The following VAV2 variants were observed in gnomAD, a reference collection of about 807,000 sequenced individuals.
VAV2 encodes the protein guanine nucleotide exchange factor VAV2.
VAV2 carries 67 observed loss-of-function variants against 132.5 expected under a neutral mutation model. The observed-to-expected ratio is 0.51, with a 90% CI of 0.42 to 0.62. The LOEUF (loss-of-function observed/expected upper bound fraction) is 0.62, where lower values mean the gene tolerates loss of function less well. Ranked by LOEUF, VAV2 falls within the 20% of genes least tolerant of loss-of-function variation. VAV2 has a pLI of 0.00. For missense variants in VAV2, 938 were observed against 1,153.6 expected, an observed-to-expected ratio of 0.81 and a Z score of 2.71; for synonymous variants, 492 against 443.5, an observed-to-expected ratio of 1.11 and a Z score of -1.37.
chr9:133,861,754 C>T (rs1367695768), intron 2 of VAV2, among the ~76,000 whole-genome samples: 3 of 152,188 alleles, frequency 2.0e-5, no homozygotes, highest in African/African-American at 4.8e-5. Flanking sequence ...TCACCGAGGC[C>T]ACCTTTAAAG....
At position 133,820,323 on chromosome 9, in the gene VAV2, C is replaced by CT. The variant is rs1410223095; in HGVS notation, c.450-8108dup. 7.3e-3 allele frequency among the ~76,000 whole-genome samples: 1,089 copies of CT among 149,100 alleles called. 25 individuals are homozygous for CT. Among genetic ancestry groups the CT allele is most frequent in the African/African-American group, 0.024 (956 of 39,732 alleles). The stretch of plus-strand genomic sequence containing the variant: ...CATCTCCATAAACAAGTTTCTTTTT[C>CT]TTTTTCTTTTTTTTTTTTTTGAGAC... On this transcript the variant is annotated intron_variant, in intron 4 of 29. Coordinates refer to ENST00000371850, the MANE Select transcript of VAV2 (RefSeq NM_001134398.2).
intron 2 of VAV2, among the ~76,000 whole-genome samples, chr9:133,921,291 C>CTGAA (rs141386808): frequency 0.03 from 4,609 of 152,174 alleles, 220 homozygotes; most frequent in African/African-American, 0.11. Flanking sequence ...GCCATGTTTG[C>CTGAA]TGAATGAATG....
At chr9:133,938,574 C>T (rs898574987) in intron 2 of VAV2, among the ~76,000 whole-genome samples, 4 of 152,206 alleles carry the variant, frequency 2.6e-5, no homozygotes, top group African/African-American at 9.6e-5. Context: ...GGGGTCACCA[C>T]TGGAGAATAC....
intron 2 of VAV2, among the ~76,000 whole-genome samples, chr9:133,876,891 G>C (rs1838286813): frequency 6.6e-6 from 1 of 152,162 alleles, no homozygotes; most frequent in Non-Finnish European, 1.5e-5. Context: ...CTGGCCTGAA[G>C]AACGGGGACA....
At chr9:133,952,088 A>C (rs1191225927) in intron 1 of VAV2, among the ~76,000 whole-genome samples, 1 of 152,120 alleles carries the variant, frequency 6.6e-6, no homozygotes. Context: ...TTACGACCTC[A>C]TCTAAACCCA....
chr9:133,777,090 G>A (rs1313572719), intron 23 of VAV2, among the ~76,000 whole-genome samples: 1 of 152,150 alleles, frequency 6.6e-6, no homozygotes, highest in Non-Finnish European at 1.5e-5. Flanking sequence ...CTGGTGAAAG[G>A]CAGCTGGCTG....
intron 3 of VAV2, among the ~76,000 whole-genome samples, chr9:133,842,240 C>G (rs1836753166): frequency 6.6e-6 from 1 of 152,160 alleles, no homozygotes; most frequent in Non-Finnish European, 1.5e-5. Context: ...TTGGCCGGTA[C>G]AGAAAGAAAG....
In VAV2 at chr9:133,848,279, C is replaced by CAAAAAAAAAAAAAA. The variant is rs34908811; in HGVS notation, c.380+13081_380+13094dup. ...TGGGCGACTGAGTGAGACTCCGTCT[C>CAAAAAAAAAAAAAA]AAAAAAAAAAAAAAAAAAAAAAAAA... On this transcript the variant is annotated intron_variant, in intron 3 of 29. Coordinates refer to ENST00000371850, the MANE Select transcript of VAV2 (RefSeq NM_001134398.2). 1.8e-3 allele frequency among the ~76,000 whole-genome samples: 88 copies of CAAAAAAAAAAAAAA among 48,610 alleles called. 2 individuals are homozygous for CAAAAAAAAAAAAAA. The highest frequency in any genetic ancestry group is 2.7e-3 in the Non-Finnish European group (45 of 16,646). The allele number at this position is 48,610 out of a possible 152,430, so 31.9% of individuals were successfully genotyped here.
At chr9:133,849,467 C>T (rs1171985217) in intron 3 of VAV2, among the ~76,000 whole-genome samples, 1 of 152,190 alleles carries the variant, frequency 6.6e-6, no homozygotes, top group East Asian at 1.9e-4. Flanking sequence ...GCTGAGGAGG[C>T]GTGGCTGAGG....
rs991105106 is a variant in VAV2, at chr9:133,928,242, T to A, written c.321+10861A>T. On this transcript the variant is annotated intron_variant, in intron 2 of 29. Transcript: ENST00000371850. This position sits in a 1 kb window ranked among gnomAD's most constrained non-coding sequence, Gnocchi z 5.4. ...GCGTGCATGTGTGTGTCTGTGCCCA[T>A]GTGCAGCATATCTGGTTGTCAAGTT... Among the ~76,000 whole-genome samples, 1 of 152,136 alleles carries A rather than the reference T, an allele frequency of 6.6e-6. No homozygotes were observed. Among genetic ancestry groups the A allele is most frequent in the African/African-American group, 2.4e-5 (1 of 41,422 alleles).
In VAV2 at chr9:133,969,836, C is replaced by T. The variant is rs1163314973; in HGVS notation, c.204+22239G>A. Among the ~76,000 whole-genome samples, 2 of 152,124 alleles carry T rather than the reference C, an allele frequency of 1.3e-5. No homozygotes were observed. Among genetic ancestry groups the T allele is most frequent in the Non-Finnish European group, 2.9e-5 (2 of 67,990 alleles). On this transcript the variant is annotated intron_variant, in intron 1 of 29. Transcript: ENST00000371850. This position sits in a 1 kb window ranked among gnomAD's most constrained non-coding sequence, Gnocchi z 5.1. ...CTGCCCCAGCCTCTGGGGCTCCAGG[C>T]CTCCCTCTCCAGGTGTCCCTGTAGT...
At chr9:133,873,672 G>A (rs937684680) in intron 2 of VAV2, among the ~76,000 whole-genome samples, 4 of 152,310 alleles carry the variant, frequency 2.6e-5, no homozygotes, top group South Asian at 4.1e-4. Context: ...TGCATCAGGC[G>A]GCAGCTGCTC....
chr9:133,803,339 C>T (rs1376227609), intron 9 of VAV2, among the ~76,000 whole-genome samples: 1 of 152,220 alleles, frequency 6.6e-6, no homozygotes, highest in Admixed American at 6.5e-5. Context: ...CTGCCAGCTC[C>T]CCGAGGTCGT....
intron 8 of VAV2, 59 bp downstream of exon 8, chr9:133,807,198 TG>T: frequency 6.4e-7 from 1 of 1,560,454 alleles, no homozygotes; most frequent in Non-Finnish European, 8.7e-7. Flanking sequence ...AGGACATGTG[TG>T]GCCAGTGCCG....
chr9:133,917,441 C>CTTTTTTTTTTTTTTTTTTTT lies in VAV2; in HGVS notation c.321+21661_321+21662insAAAAAAAAAAAAAAAAAAAA, dbSNP rs56141918. Among the ~76,000 whole-genome samples, 37 of 132,594 alleles carry CTTTTTTTTTTTTTTTTTTTT rather than the reference C, an allele frequency of 2.8e-4. 1 individual carries two copies. The highest frequency in any genetic ancestry group is 1.2e-3 in the African/African-American group (36 of 30,358). 87.0% of individuals were successfully genotyped at this position (132,594 alleles called of 152,430 possible). A position where few individuals can be genotyped will look rare whatever the true frequency, so the allele number is the denominator to read the frequency against. ...TCATGAGAAAAACAGAAAACTCTTTCTTTTTTTTTTTTTTTGGCTAGAAGG... is the reference window on the plus strand; with the variant it reads ...TCATGAGAAAAACAGAAAACTCTTTCTTTTTTTTTTTTTTTTTTTTTTTTTTTTTTTTTTTGGCTAGAAGG... On this transcript the variant is annotated intron_variant, in intron 2 of 29. Transcript: ENST00000371850.
rs1262174288 is a variant in VAV2, at chr9:133,834,130, G to A, written c.449+142C>T. ...GGAAGCCCACACCATGACCCATCAT[G>A]AGGAGATGCCCCGGTGGGAAGGGCC... On this transcript the variant is annotated intron_variant, in intron 4 of 29. Coordinates refer to ENST00000371850, the MANE Select transcript of VAV2 (RefSeq NM_001134398.2). This position sits in a 1 kb window ranked among gnomAD's most constrained non-coding sequence, Gnocchi z 5.9. 10 of 895,130 alleles carry A rather than the reference G, an allele frequency of 1.1e-5. No individual in the cohort carries two copies. The highest frequency in any genetic ancestry group is 1.5e-5 in the Non-Finnish European group (9 of 583,660). 55.4% of individuals were successfully genotyped at this position (895,130 alleles called of 1,614,324 possible).
intron 14 of VAV2, 44 bp downstream of exon 14, chr9:133,789,214 C>G: frequency 6.2e-7 from 1 of 1,607,434 alleles, no homozygotes; most frequent in Non-Finnish European, 8.5e-7. Context: ...GAGAGCCAGA[C>G]CCTGGCGGGA....
At chr9:133,941,613 G>GA (rs1407863392) in intron 1 of VAV2, among the ~76,000 whole-genome samples, 5 of 15,816 alleles carry the variant, frequency 3.2e-4, no homozygotes, top group Middle Eastern at 0.033. Context: ...TTTTTTGGGG[G>GA]GGGGGGGGGA....
chr9:133,918,394 G>A lies in VAV2; in HGVS notation c.321+20709C>T, dbSNP rs563713290. ...CGGACCCAGGCCCAGCTGCTAGCCCGGGCTACCACCACCACCAGGAAACAC... is the reference window on the plus strand; with the variant it reads ...CGGACCCAGGCCCAGCTGCTAGCCCAGGCTACCACCACCACCAGGAAACAC... On this transcript the variant is annotated intron_variant, in intron 2 of 29. Coordinates refer to ENST00000371850, the MANE Select transcript of VAV2 (RefSeq NM_001134398.2). The surrounding 1 kb of genome is among the most constrained non-coding windows in gnomAD (Gnocchi z 4.7). 2.7e-5 allele frequency among the ~76,000 whole-genome samples: 4 copies of A among 146,198 alleles called. No individual in the cohort carries two copies. The highest frequency in any genetic ancestry group is 1.1e-4 in the African/African-American group (4 of 37,332).
Sources: allele counts gnomAD v4.1 joint callset (sites outside exome capture counted in the v4.1 genomes callset), GRCh38; gene constraint gnomAD v4.1.1; non-coding constraint Gnocchi (gnomAD v3.1); transcripts MANE v1.5; gene names NCBI Gene and HGNC (gene_info 2026-07-23, HGNC 2026-07-21).